Variants in PPP2R3A observed in about 807,000 individuals in gnomAD.
PPP2R3A encodes the protein serine/threonine-protein phosphatase 2A regulatory subunit B'' subunit alpha.
In PPP2R3A, 80 loss-of-function variants were observed where a neutral mutation model predicts 106.9. That is an observed-to-expected ratio of 0.75 (90% CI 0.62 to 0.90). The LOEUF is 0.90. PPP2R3A is among the 40% of genes least tolerant of loss of function. The probability of loss-of-function intolerance (pLI) is 0.00; values close to 1 mark genes in which losing one functional copy is unlikely to be tolerated. For missense variants in PPP2R3A, 1,386 were observed against 1,350.4 expected (o/e 1.03, Z -0.41); for synonymous variants, 483 against 468.3 (o/e 1.03, Z -0.41).
At chr3:136,035,868 A>G (rs1031931700) in intron 3 of PPP2R3A, among the ~76,000 whole-genome samples, 3 of 152,044 alleles carry the variant, frequency 2.0e-5, no homozygotes, top group African/African-American at 4.8e-5. Flanking sequence ...AATCAATCTT[A>G]GGTTTGGTCG....
chr3:136,086,921 G>A (rs1012550256), intron 8 of PPP2R3A, among the ~76,000 whole-genome samples: 2 of 152,184 alleles, frequency 1.3e-5, no homozygotes, highest in Non-Finnish European at 2.9e-5. Flanking sequence ...TAAAGAACAG[G>A]CTGGGCATGG....
At chr3:136,144,528 G>A (rs1939019030) in intron 13 of PPP2R3A, among the ~76,000 whole-genome samples, 1 of 152,018 alleles carries the variant, frequency 6.6e-6, no homozygotes, top group Admixed American at 6.6e-5. Context: ...AGGTGTGGTG[G>A]CGCATGCATG....
chr3:136,113,485 T>G (rs368391011), intron 13 of PPP2R3A, among the ~76,000 whole-genome samples: 6 of 152,006 alleles, frequency 3.9e-5, no homozygotes, highest in African/African-American at 1.2e-4. Flanking sequence ...CAATGCAAGA[T>G]AGAATAAAGA....
chr3:136,111,665 C>A (rs1576319047), intron 13 of PPP2R3A, among the ~76,000 whole-genome samples: 1 of 150,970 alleles, frequency 6.6e-6, no homozygotes, highest in Non-Finnish European at 1.5e-5. Flanking sequence ...AAAAAAAAAA[C>A]TACCAATCAG....
intron 8 of PPP2R3A, among the ~76,000 whole-genome samples, chr3:136,083,780 A>C (rs1002291132): frequency 1.3e-5 from 2 of 152,220 alleles, no homozygotes; most frequent in Non-Finnish European, 2.9e-5. Context: ...TCCAGGCTGA[A>C]GTGATCTCAG....
intron 5 of PPP2R3A, 71 bp from the exon 6 acceptor site, chr3:136,070,407 G>A: frequency 7.9e-7 from 1 of 1,260,076 alleles, no homozygotes; most frequent in South Asian, 1.4e-5. Context: ...GCAACATACA[G>A]GAAGGAAAAA....
At position 136,002,406 on chromosome 3, in the gene PPP2R3A, A is replaced by G. The variant is rs1243614177; in HGVS notation, c.908A>G (p.Glu303Gly). ...PFEFMQSGNN[E>G]ALDLTELISN... ...GAATTCATGCAGTCTGGGAATAATG[A>G]GGCTCTAGATTTAACAGAACTGATC... Residue 303 changes from glutamate (E) to glycine (G), a missense_variant, in exon 2 of 14, where the codon GAG becomes GGG. Transcript: ENST00000264977. The G allele has an allele frequency of 3.7e-6, 6 of 1,613,918 alleles. No homozygotes were observed. In the African/African-American group the frequency reaches 8.0e-5, roughly 22 times the overall value.
Position 136,082,267 on chromosome 3 carries a change from C to T in PPP2R3A, c.2634C>T (p.Thr878=). The part of the protein sequence containing the change: ...TEIRKSNFLQ[T]LALLEEEEDI... ...TTCTTCTTTTCATATAATTTCAGACCCTAGCACTTTTGGAAGAAGAGGAAG... is the reference window on the plus strand; with the variant it reads ...TTCTTCTTTTCATATAATTTCAGACTCTAGCACTTTTGGAAGAAGAGGAAG... The change falls in exon 8 of 14, where the codon ACC becomes ACT. Residue 878 remains threonine (T), a splice_region_variant and synonymous_variant. Transcript: ENST00000264977. The T allele has an allele frequency of 6.3e-7, 1 of 1,579,274 alleles. No individual in the cohort carries two copies. Among genetic ancestry groups the T allele is most frequent in the Non-Finnish European group, 8.7e-7 (1 of 1,148,858 alleles).
intron 13 of PPP2R3A, among the ~76,000 whole-genome samples, chr3:136,115,225 C>CA (rs1937698693): frequency 6.6e-6 from 1 of 151,942 alleles, no homozygotes; most frequent in Non-Finnish European, 1.5e-5. Context: ...CATGTCTACT[C>CA]AGAGACCCCA....
intron 1 of PPP2R3A, among the ~76,000 whole-genome samples, chr3:135,999,204 G>A (rs762225229): frequency 3.3e-5 from 5 of 152,176 alleles, no homozygotes; most frequent in Non-Finnish European, 7.3e-5. Context: ...TGAGTCTTAG[G>A]TACTGTTGTA....
At chr3:136,037,101 G>A (rs79449849) in intron 3 of PPP2R3A, among the ~76,000 whole-genome samples, 129 of 152,310 alleles carry the variant, frequency 8.5e-4, no homozygotes, top group African/African-American at 3.1e-3. Flanking sequence ...AAAGTTATTT[G>A]GAAGACCAGC....
rs775199288 is a variant in PPP2R3A, at chr3:136,090,439, G to A, written c.2838-139G>A. The A allele has an allele frequency of 6.0e-4, 364 of 605,158 alleles. 1 individual carries two copies. The highest frequency in any genetic ancestry group is 3.2e-3 in the Middle Eastern group (7 of 2,188). The allele number at this position is 605,158 out of a possible 1,614,324, so 37.5% of individuals were successfully genotyped here. On this transcript the variant is annotated intron_variant, in intron 9 of 13. Coordinates refer to ENST00000264977, the MANE Select transcript of PPP2R3A (RefSeq NM_002718.5). Reference sequence around the variant, plus strand: ...TTTGAAAATAAGATAGGCTGTGGAAGGGTTGCCCTTTATGAGGCATTTAGC... The same window carrying A: ...TTTGAAAATAAGATAGGCTGTGGAAAGGTTGCCCTTTATGAGGCATTTAGC...
chr3:135,989,101 C>T (rs761358792), intron 1 of PPP2R3A, among the ~76,000 whole-genome samples: 2 of 152,020 alleles, frequency 1.3e-5, no homozygotes, highest in East Asian at 1.9e-4. Context: ...TCAAATAAAA[C>T]GTTTTTTGGA....
At chr3:136,102,228 G>C (rs1937381224) in intron 11 of PPP2R3A, 46 bp downstream of exon 11, 4 of 1,591,514 alleles carry the variant, frequency 2.5e-6, no homozygotes, top group Non-Finnish European at 3.4e-6. Context: ...CTATGTATCA[G>C]AGGAGGGCAA....
intron 1 of PPP2R3A, among the ~76,000 whole-genome samples, chr3:135,991,085 T>G (rs1178805946): frequency 6.6e-6 from 1 of 152,150 alleles, no homozygotes; most frequent in Non-Finnish European, 1.5e-5. Flanking sequence ...ACTACTCTAT[T>G]CCAGGACTGG....
chr3:136,036,632 G>A (rs1035718193), intron 3 of PPP2R3A, among the ~76,000 whole-genome samples: 1 of 152,110 alleles, frequency 6.6e-6, no homozygotes, highest in Non-Finnish European at 1.5e-5. Context: ...GGTCCCACAG[G>A]AACAGTCCGC....
At chr3:136,032,964 G>C (rs558197134) in intron 3 of PPP2R3A, among the ~76,000 whole-genome samples, 1 of 152,296 alleles carries the variant, frequency 6.6e-6, no homozygotes, top group African/African-American at 2.4e-5. Flanking sequence ...AGTTCTCAGA[G>C]GGAATGCTTT....
At chr3:136,010,715 C>T (rs1001205243) in intron 2 of PPP2R3A, among the ~76,000 whole-genome samples, 25 of 152,176 alleles carry the variant, frequency 1.6e-4, no homozygotes, top group Admixed American at 5.2e-4. Flanking sequence ...CGTGAGCCAC[C>T]GCGCCCATCC....
chr3:136,112,722 C>G (rs1289899646), intron 13 of PPP2R3A, among the ~76,000 whole-genome samples: 7 of 152,142 alleles, frequency 4.6e-5, no homozygotes, highest in African/African-American at 9.7e-5. Context: ...TGCTCGTGGA[C>G]AGGAAGAATC....
Sources: gnomAD v4.1 joint callset for allele counts (sites outside exome capture counted in the v4.1 genomes callset) on GRCh38, gnomAD v4.1.1 for gene constraint, MANE v1.5 for transcripts, NCBI Gene and HGNC (gene_info 2026-07-23, HGNC 2026-07-21) for gene names.